PIWIL2: variants seen among roughly 807,000 people sequenced by gnomAD.
The protein encoded by PIWIL2 is piwi-like protein 2.
PIWIL2 carries 81 observed loss-of-function variants against 116.5 expected under a neutral mutation model. The observed-to-expected ratio is 0.70, with a 90% CI of 0.58 to 0.84. The LOEUF is 0.84. Among genes scored for constraint, PIWIL2 ranks in the 40% least tolerant of loss-of-function variants. The probability of loss-of-function intolerance (pLI) is 0.00; values close to 1 mark genes in which losing one functional copy is unlikely to be tolerated. For missense variants in PIWIL2, 1,272 were observed against 1,212.3 expected (o/e 1.05, Z -0.73); for synonymous variants, 489 against 429.5 (o/e 1.14, Z -1.71).
rs762163273 is a variant in PIWIL2 at position 22,315,156 on chromosome 8, C to T, written c.2208+11C>T. 24 of 1,395,502 alleles carry T rather than the reference C, an allele frequency of 1.7e-5. No homozygotes were observed. The highest frequency in any genetic ancestry group is 1.8e-4 in the Middle Eastern group (1 of 5,552). 86.4% of individuals were successfully genotyped at this position (1,395,502 alleles called of 1,614,324 possible). A position where few individuals can be genotyped will look rare whatever the true frequency, so the allele number is the denominator to read the frequency against. Reference sequence around the variant, plus strand: ...GTGGATATTCCTCTGGTGAGTGATGCCGAGATGGTTCAGTTTGCCTCTCCA... The same window carrying T: ...GTGGATATTCCTCTGGTGAGTGATGTCGAGATGGTTCAGTTTGCCTCTCCA... On this transcript the variant is annotated intron_variant, in intron 18 of 22. Coordinates refer to ENST00000356766, the MANE Select transcript of PIWIL2 (RefSeq NM_018068.5).
Position 22,281,519 on chromosome 8 carries a change from G to A in PIWIL2, c.425+4G>A, listed in dbSNP as rs369039451. ...AGACCTCCGTTGGTTGGAGTAGGTG[G>A]GTAAAGTTACCCTCTCAGGTAACTA... On this transcript the variant is annotated splice_donor_region_variant and intron_variant, in intron 4 of 22. Coordinates refer to ENST00000356766, the MANE Select transcript of PIWIL2 (RefSeq NM_018068.5). 2.4e-5 allele frequency: 37 copies of A among 1,559,508 alleles called. No homozygotes were observed. In the African/African-American group the frequency reaches 2.4e-4, roughly 10 times the overall value.
At chr8:22,298,369 G>A (rs1477037922) in intron 10 of PIWIL2, among the ~76,000 whole-genome samples, 1 of 152,192 alleles carries the variant, frequency 6.6e-6, no homozygotes, top group African/African-American at 2.4e-5. Flanking sequence ...GCTGGAGGCT[G>A]TACTTCTAAA....
Position 22,310,039 on chromosome 8 carries a change from G to C in PIWIL2, c.1765G>C (p.Val589Leu). Residue 589 changes from valine to leucine, a missense_variant, in exon 15 of 23, where the codon GTT becomes CTT. Val to Leu is a conservative substitution (Grantham distance 32). Coordinates refer to ENST00000356766, the MANE Select transcript of PIWIL2 (RefSeq NM_018068.5). ...TATCACATCTCAGGAACTAAACTGG[G>C]TTAAGGAAGTAACCAGAGACCCTTC... ...SFITSQELNW[V>L]KEVTRDPSIL... is the part of the protein sequence containing the mutation. 1 of 1,607,986 alleles carries C rather than the reference G, an allele frequency of 6.2e-7. No homozygotes were observed. Among genetic ancestry groups the C allele is most frequent in the Non-Finnish European group, 8.5e-7 (1 of 1,174,426 alleles).
rs1339775969 is a variant in PIWIL2 at position 22,315,056 on chromosome 8, C to T, written c.2119C>T (p.Pro707Ser). 2 of 1,613,204 alleles carry T rather than the reference C, an allele frequency of 1.2e-6. No homozygotes were observed. Among genetic ancestry groups the T allele is most frequent in the East Asian group, 2.2e-5 (1 of 44,872 alleles). ...QVVNVRTIGQ[P>S]TRLRSVAQKI... ...TGTCAATGTTCGAACCATTGGTCAG[C>T]CCACCAGGCTTCGGAGTGTGGCCCA... is the stretch of plus-strand genomic sequence containing the variant. Residue 707 changes from proline (P) to serine (S), a missense_variant, in exon 18 of 23, where the codon CCC becomes TCC. Coordinates refer to ENST00000356766, the MANE Select transcript of PIWIL2 (RefSeq NM_018068.5).
Position 22,299,645 on chromosome 8 carries a change from C to T in PIWIL2, c.1182-4376C>T, listed in dbSNP as rs1008988403. Among the ~76,000 whole-genome samples, 4 of 152,056 alleles carry T rather than the reference C, an allele frequency of 2.6e-5. No individual in the cohort carries two copies. The East Asian group carries it at 5.8e-4, about 22-fold the overall frequency. ...GATGTGTAAAGGTACAATTGACATCCGTAAAAAACCCACACACATTTAAAG... is the reference window on the plus strand; with the variant it reads ...GATGTGTAAAGGTACAATTGACATCTGTAAAAAACCCACACACATTTAAAG... On this transcript the variant is annotated intron_variant, in intron 10 of 22. Transcript: ENST00000356766.
chr8:22,315,002 T>C (rs373301942), intron 17 of PIWIL2, 27 bp from the exon 18 acceptor site: 14 of 1,303,550 alleles, frequency 1.1e-5, no homozygotes, highest in Non-Finnish European at 1.6e-5. Context: ...CTGCTTCTCC[T>C]GACACCTTTT....
At position 22,290,245 on chromosome 8, in the gene PIWIL2, G is replaced by T. The variant is rs778446660; in HGVS notation, c.1080G>T (p.Trp360Cys). The T allele has an allele frequency of 1.2e-6, 2 of 1,605,002 alleles. No homozygotes were observed. Among genetic ancestry groups the T allele is most frequent in the Non-Finnish European group, 1.7e-6 (2 of 1,172,330 alleles). The change falls in exon 10 of 23, where the codon TGG becomes TGT. Residue 360 changes from tryptophan (W) to cysteine (C), a missense_variant. Transcript: ENST00000356766. ...CCTCTCTCTCCAGATTGCAGATCTG[G>T]CCAGGCTATGCAGCTAGCATCCGAA... ...MVLQQHRLQIWPGYAASIRRT... is the reference protein window; with the variant it reads ...MVLQQHRLQICPGYAASIRRT...
chr8:22,347,952 C>T (rs535113415), intron 20 of PIWIL2, among the ~76,000 whole-genome samples: 14 of 152,134 alleles, frequency 9.2e-5, no homozygotes, highest in South Asian at 2.1e-4. Flanking sequence ...GGCATTTATG[C>T]GTCTGCCTCC....
intron 20 of PIWIL2, among the ~76,000 whole-genome samples, chr8:22,322,212 T>G (rs924656838): frequency 1.3e-4 from 20 of 152,134 alleles, no homozygotes; most frequent in Non-Finnish European, 2.9e-4. Flanking sequence ...TCTTCTCCTT[T>G]TTCTGTAACT....
chr8:22,300,329 T>A (rs1831016578), intron 10 of PIWIL2, among the ~76,000 whole-genome samples: 1 of 152,192 alleles, frequency 6.6e-6, no homozygotes. Flanking sequence ...TCATTCACAT[T>A]GTTGTATGTT....
Position 22,283,191 on chromosome 8 carries a change from C to T in PIWIL2, c.583C>T (p.Leu195=), listed in dbSNP as rs1283503158. The T allele has an allele frequency of 6.2e-7, 1 of 1,614,094 alleles. No individual in the cohort carries two copies. The highest frequency in any genetic ancestry group is 8.5e-7 in the Non-Finnish European group (1 of 1,179,972). ...SSPPALPQSP[L]HSPDRPLVLT... ...ACCACCAGCTCTGCCCCAGTCTCCC[C>T]TGCACTCTCCAGATCGCCCTCTGGT... The change falls in exon 5 of 23, where the codon CTG becomes TTG. Residue 195 remains leucine (L), a synonymous_variant. Coordinates refer to ENST00000356766, the MANE Select transcript of PIWIL2 (RefSeq NM_018068.5).
At chr8:22,326,240 G>A (rs555339586) in intron 20 of PIWIL2, among the ~76,000 whole-genome samples, 1 of 152,072 alleles carries the variant, frequency 6.6e-6, no homozygotes, top group Non-Finnish European at 1.5e-5. Flanking sequence ...GGTGAAATAG[G>A]TGAGGTTTAG....
Position 22,317,135 on chromosome 8 carries a change from C to T in PIWIL2, c.2297+802C>T, listed in dbSNP as rs532789228. On this transcript the variant is annotated intron_variant, in intron 19 of 22. Coordinates refer to ENST00000356766, the MANE Select transcript of PIWIL2 (RefSeq NM_018068.5). ...GTGAATGTGCTTCCCAGCTGAAGAGCGACCTCCTCCAAGGCTGGGGCTGTG... is the reference window on the plus strand; with the variant it reads ...GTGAATGTGCTTCCCAGCTGAAGAGTGACCTCCTCCAAGGCTGGGGCTGTG... Among the ~76,000 whole-genome samples the T allele has an allele frequency of 2.0e-5, 3 of 152,302 alleles. No individual in the cohort carries two copies. In the East Asian group the frequency reaches 5.8e-4, roughly 29 times the overall value.
intron 20 of PIWIL2, among the ~76,000 whole-genome samples, chr8:22,334,386 A>G (rs937916267): frequency 5.3e-5 from 8 of 151,336 alleles, no homozygotes; most frequent in African/African-American, 2.0e-4. Context: ...GCTGGGCATC[A>G]TGGCGGGCGC....
At chr8:22,286,227 GAAA>G (rs200184308) in intron 6 of PIWIL2, among the ~76,000 whole-genome samples, 1 of 151,802 alleles carries the variant, frequency 6.6e-6, no homozygotes, top group Non-Finnish European at 1.5e-5. Context: ...CAGTTGTAGA[GAAA>G]AAAAAGGAAA....
chr8:22,347,884 A>G (rs1242767475), intron 20 of PIWIL2, among the ~76,000 whole-genome samples: 1 of 151,888 alleles, frequency 6.6e-6, no homozygotes, highest in African/African-American at 2.4e-5. Context: ...CAAATCTCTT[A>G]CACTCCTCTG....
intron 10 of PIWIL2, among the ~76,000 whole-genome samples, chr8:22,301,610 G>A (rs966713451): frequency 2.6e-5 from 4 of 152,122 alleles, no homozygotes; most frequent in African/African-American, 7.2e-5. Context: ...TCTCTTTTAA[G>A]GAGTAGACAT....
chr8:22,280,249 T>C (rs573727368), intron 2 of PIWIL2, among the ~76,000 whole-genome samples: 1 of 152,340 alleles, frequency 6.6e-6, no homozygotes, highest in Admixed American at 6.5e-5. Flanking sequence ...TCTATGATAT[T>C]AGCAGCAGTT....
At chr8:22,352,875 T>A in intron 20 of PIWIL2, 84 bp from the exon 21 acceptor site, 1 of 1,368,466 alleles carries the variant, frequency 7.3e-7, no homozygotes, top group Non-Finnish European at 1.0e-6. Context: ...GATTCCAGGC[T>A]ACACAATGCG....
Sources: gnomAD v4.1 joint callset for allele counts (sites outside exome capture counted in the v4.1 genomes callset) on GRCh38, gnomAD v4.1.1 for gene constraint, MANE v1.5 for transcripts, NCBI Gene and HGNC (gene_info 2026-07-23, HGNC 2026-07-21) for gene names.